ANK2: variants seen among roughly 807,000 people sequenced by gnomAD.
The protein encoded by ANK2 is ankyrin-2.
Under a neutral mutation model 360.5 loss-of-function variants are expected in ANK2, and 83 were observed. That is an observed-to-expected ratio of 0.23 (90% CI 0.19 to 0.28). The LOEUF is 0.28. ANK2 is among the 10% of genes least tolerant of loss of function. The pLI is 1.00. For missense variants in ANK2, 4,201 were observed against 4,795.7 expected, an observed-to-expected ratio of 0.88 and a Z score of 3.66; for synonymous variants, 1,740 against 1,759.5, an observed-to-expected ratio of 0.99 and a Z score of 0.28.
At chr4:113,312,720 G>T (rs115744052) in intron 24 of ANK2, among the ~76,000 whole-genome samples, 139 of 152,300 alleles carry the variant, frequency 9.1e-4, no homozygotes, top group African/African-American at 3.3e-3. Context: ...TTGAGCAAAG[G>T]CTCGCAGGGT....
chr4:113,315,896 CAAAAAAAA>C (rs70961811), intron 24 of ANK2, among the ~76,000 whole-genome samples: 1 of 49,316 alleles, frequency 2.0e-5, no homozygotes, highest in Non-Finnish European at 4.5e-5. Flanking sequence ...GACTCCGTCT[CAAAAAAAA>C]AAAAAAAAAA....
chr4:112,810,147 ATATATATATATATTTT>A, the ANK2 span, among the ~76,000 whole-genome samples: 376 of 60,950 alleles, frequency 6.2e-3, no homozygotes, highest in African/African-American at 0.034. Context: ...ATATATATAT[ATATATATATATATTTT>A]TTTTTTTTTT....
At chr4:113,073,354 T>C (rs1196165127) in intron 1 of ANK2, among the ~76,000 whole-genome samples, 6 of 152,160 alleles carry the variant, frequency 3.9e-5, no homozygotes, top group Non-Finnish European at 7.3e-5. Flanking sequence ...AGAGGAGCTC[T>C]GATTCTTGAC....
At chr4:113,138,372 C>A (rs758286904) in intron 1 of ANK2, among the ~76,000 whole-genome samples, 1 of 152,166 alleles carries the variant, frequency 6.6e-6, no homozygotes, top group Admixed American at 6.5e-5. Context: ...TCTCTGATGT[C>A]GGTGCAACAC....
intron 2 of ANK2, among the ~76,000 whole-genome samples, chr4:113,180,689 C>T (rs908503790): frequency 6.6e-6 from 1 of 152,098 alleles, no homozygotes; most frequent in African/African-American, 2.4e-5. Flanking sequence ...AAAAACAATT[C>T]TATTAGCCTG....
intron 43 of ANK2, 138 bp downstream of exon 43, chr4:113,369,943 C>A (rs1458547346): frequency 6.0e-6 from 6 of 997,488 alleles, no homozygotes; most frequent in Non-Finnish European, 8.9e-6. Context: ...ACATGGAAAC[C>A]CTCAATCCCT....
chr4:113,133,714 C>T (rs2096217676), intron 1 of ANK2, among the ~76,000 whole-genome samples: 1 of 152,066 alleles, frequency 6.6e-6, no homozygotes, highest in Non-Finnish European at 1.5e-5. Context: ...GGACACTGTC[C>T]TAAGTACTTA....
At chr4:113,364,306 G>C (rs879303431) in intron 40 of ANK2, among the ~76,000 whole-genome samples, 2 of 152,166 alleles carry the variant, frequency 1.3e-5, no homozygotes, top group Non-Finnish European at 2.9e-5. Context: ...GTGTTTTTGT[G>C]ACCAGAACAT....
intron 23 of ANK2, among the ~76,000 whole-genome samples, chr4:113,308,284 T>A (rs968606081): frequency 6.6e-6 from 1 of 152,154 alleles, no homozygotes; most frequent in Admixed American, 6.5e-5. Context: ...ATGTAGGGAA[T>A]TTTCAAAGAG....
At chr4:113,183,851 G>A (rs114242925) in intron 2 of ANK2, among the ~76,000 whole-genome samples, 15 of 152,086 alleles carry the variant, frequency 9.9e-5, no homozygotes, top group African/African-American at 3.6e-4. Flanking sequence ...GAAAGTGGCA[G>A]TGAGCTAGAA....
chr4:113,234,150 G>A (rs1460439952), intron 5 of ANK2, among the ~76,000 whole-genome samples: 3 of 152,148 alleles, frequency 2.0e-5, no homozygotes, highest in African/African-American at 2.4e-5. Context: ...AACTCAGCTC[G>A]CTGGCATTCC....
intron 1 of ANK2, among the ~76,000 whole-genome samples, chr4:113,133,010 A>T (rs2096157073): frequency 6.6e-6 from 1 of 152,166 alleles, no homozygotes; most frequent in African/African-American, 2.4e-5. Context: ...AGTTTTGGTC[A>T]TCCAGGCCAA....
At chr4:112,706,911 A>G in the ANK2 span, 1 of 152,164 alleles carries the variant, frequency 6.6e-6, no homozygotes, top group African/African-American at 2.4e-5. Flanking sequence ...GGTAATATTA[A>G]AACAAGGGAG....
intron 35 of ANK2, among the ~76,000 whole-genome samples, chr4:113,346,835 C>G (rs1463777510): frequency 6.6e-6 from 1 of 152,176 alleles, no homozygotes; most frequent in African/African-American, 2.4e-5. Flanking sequence ...ATCTCTCCCC[C>G]TCACGTAATT....
the ANK2 span, among the ~76,000 whole-genome samples, chr4:112,734,788 C>G: frequency 6.6e-6 from 1 of 151,896 alleles, no homozygotes; most frequent in Non-Finnish European, 1.5e-5. Flanking sequence ...CAAAAATAAC[C>G]ACCATTTTTG....
rs144197568 is a variant in ANK2, at chr4:113,163,760, G to A, written c.85-10656G>A. ...GCCTGGGCAACAAGAGTGAAACTTC[G>A]TCTCAAAAAAAAAAAAAAAAAAAAA... is the stretch of plus-strand genomic sequence containing the variant. On this transcript the variant is annotated intron_variant, in intron 1 of 45. Coordinates refer to ENST00000357077, the MANE Select transcript of ANK2 (RefSeq NM_001148.6). Among the ~76,000 whole-genome samples the A allele has an allele frequency of 9.8e-3, 621 of 63,314 alleles. 8 individuals are homozygous for A. Among genetic ancestry groups the A allele is most frequent in the African/African-American group, 0.049 (563 of 11,532 alleles). 41.5% of individuals were successfully genotyped at this position (63,314 alleles called of 152,430 possible). A position where few individuals can be genotyped will look rare whatever the true frequency, so the allele number is the denominator to read the frequency against.
chr4:113,159,532 T>C lies in ANK2; in HGVS notation c.85-14884T>C, dbSNP rs545356783. Among the ~76,000 whole-genome samples, 368 of 152,224 alleles carry C rather than the reference T, an allele frequency of 2.4e-3. 2 individuals carry two copies. Among genetic ancestry groups the C allele is most frequent in the African/African-American group, 8.6e-3 (357 of 41,548 alleles). On this transcript the variant is annotated intron_variant, in intron 1 of 45. Coordinates refer to ENST00000357077, the MANE Select transcript of ANK2 (RefSeq NM_001148.6). ...TTTCATGGATAATTTATACAATAAT[T>C]AAAGCTTATATATTGCTTCACATAA...
At chr4:113,041,918 C>T (rs2063061548) in intron 2 of ANK2, among the ~76,000 whole-genome samples, 2 of 152,122 alleles carry the variant, frequency 1.3e-5, no homozygotes, top group Admixed American at 1.3e-4. Flanking sequence ...GCACAAATCT[C>T]ATTCATGAGC....
intron 20 of ANK2, 53 bp downstream of exon 20, chr4:113,288,539 C>CT: frequency 7.0e-7 from 1 of 1,438,254 alleles, no homozygotes; most frequent in Non-Finnish European, 9.8e-7. Flanking sequence ...GTTCAGCCAT[C>CT]TGGATGCTTC....
Sources: gnomAD v4.1 joint callset for allele counts (sites outside exome capture counted in the v4.1 genomes callset) on GRCh38, gnomAD v4.1.1 for gene constraint, MANE v1.5 for transcripts, NCBI Gene and HGNC (gene_info 2026-07-23, HGNC 2026-07-21) for gene names.